RAB1A: variants seen among roughly 807,000 people sequenced by gnomAD.
RAB1A encodes the protein RAB1A, member RAS oncogene family.
RAB1A carries 2 observed loss-of-function variants against 26.0 expected under a neutral mutation model. The ratio of observed to expected loss-of-function variants is 0.08; its 90% CI spans 0.03 to 0.24. The LOEUF (loss-of-function observed/expected upper bound fraction) is 0.24, where lower values mean the gene tolerates loss of function less well. RAB1A is among the 10% of genes least tolerant of loss of function. The pLI, the probability that RAB1A is intolerant of heterozygous loss-of-function variation, is 1.00. For synonymous variants in RAB1A, 84 were observed against 84.9 expected (o/e 0.99, Z 0.06); for missense variants, 100 against 247.0 (o/e 0.40, Z 3.99).
chr2:65,103,301 A>AAAAAAAAAAAAAAAAAAAAAAAAAAC (rs1558580223), intron 2 of RAB1A, among the ~76,000 whole-genome samples: 1 of 149,956 alleles, frequency 6.7e-6, no homozygotes, highest in South Asian at 2.1e-4. Context: ...ATCTGTCTCA[A>AAAAAAAAAAAAAAAAAAAAAAAAAAC]AAAAAAAAAA....
chr2:65,109,709 C>CA (rs112595111), intron 1 of RAB1A, among the ~76,000 whole-genome samples: 24,135 of 124,914 alleles, frequency 0.19, 2,205 homozygotes, highest in African/African-American at 0.28. Flanking sequence ...GACTCCATCT[C>CA]AAAAAAAAAA....
intron 2 of RAB1A, among the ~76,000 whole-genome samples, chr2:65,101,898 C>T (rs984290337): frequency 1.3e-5 from 2 of 151,698 alleles, no homozygotes; most frequent in Non-Finnish European, 2.9e-5. Context: ...TACAGGCATG[C>T]GCCACCACAT....
intron 2 of RAB1A, among the ~76,000 whole-genome samples, chr2:65,098,993 C>T (rs1323063552): frequency 3.3e-5 from 5 of 151,912 alleles, no homozygotes; most frequent in African/African-American, 1.2e-4. Context: ...TGCATCACCA[C>T]GCCTGCCTAA....
At chr2:65,095,919 C>T (rs1461776542) in intron 3 of RAB1A, among the ~76,000 whole-genome samples, 2 of 151,936 alleles carry the variant, frequency 1.3e-5, no homozygotes, top group African/African-American at 2.4e-5. Flanking sequence ...TTTGGGAAGC[C>T]GAGTCAGGCA....
At chr2:65,109,641 C>T (rs1423473779) in intron 1 of RAB1A, among the ~76,000 whole-genome samples, 4 of 149,838 alleles carry the variant, frequency 2.7e-5, no homozygotes, top group Non-Finnish European at 5.9e-5. Flanking sequence ...ACCCAGGAGG[C>T]GGAGGTTGCA....
At chr2:65,120,078 G>A (rs1319276979) in intron 1 of RAB1A, among the ~76,000 whole-genome samples, 1 of 151,788 alleles carries the variant, frequency 6.6e-6, no homozygotes, top group East Asian at 1.9e-4. Flanking sequence ...TGTTTCAAAT[G>A]GCCTTTTATA....
At chr2:65,091,788 G>C (rs1376027598) in intron 3 of RAB1A, among the ~76,000 whole-genome samples, 1 of 152,174 alleles carries the variant, frequency 6.6e-6, no homozygotes, top group East Asian at 1.9e-4. Context: ...TTCTCCCAAA[G>C]TGCTGGCATT....
intron 4 of RAB1A, among the ~76,000 whole-genome samples, chr2:65,089,352 A>G (rs1360461980): frequency 6.6e-6 from 1 of 152,036 alleles, no homozygotes; most frequent in African/African-American, 2.4e-5. Flanking sequence ...AGCTGGGACT[A>G]CAGGCACATG....
chr2:65,087,060 A>G lies in RAB1A; in HGVS notation c.*1433T>C, dbSNP rs1669049580. Reference sequence around the variant, plus strand: ...TTATCATTAAATTAAGGAGCCCACAACAAAATGTGTTGCCAGCAGCCATAT... The same window carrying G: ...TTATCATTAAATTAAGGAGCCCACAGCAAAATGTGTTGCCAGCAGCCATAT... On this transcript the variant is annotated 3_prime_UTR_variant, in exon 6 of 6. Transcript: ENST00000409784. 5.3e-5 allele frequency: 8 copies of G among 152,202 alleles called. No individual in the cohort carries two copies. 9.4% of individuals were successfully genotyped at this position (152,202 alleles called of 1,614,324 possible).
At chr2:65,098,170 GTT>G (rs1324516075) in intron 2 of RAB1A, 104 bp from the exon 3 acceptor site, 2 of 624,948 alleles carry the variant, frequency 3.2e-6, no homozygotes, top group Admixed American at 7.8e-5. Flanking sequence ...TAAAAAAAAA[GTT>G]TACTTTTATC....
At chr2:65,094,928 A>G (rs1669248279) in intron 3 of RAB1A, among the ~76,000 whole-genome samples, 1 of 152,234 alleles carries the variant, frequency 6.6e-6, no homozygotes, top group Non-Finnish European at 1.5e-5. Flanking sequence ...ATCAATCTGA[A>G]GGGCAGGCTT....
chr2:65,106,007 G>A (rs1047252393), intron 1 of RAB1A, among the ~76,000 whole-genome samples: 1 of 152,194 alleles, frequency 6.6e-6, no homozygotes, highest in Non-Finnish European at 1.5e-5. Flanking sequence ...TGATCTGCCC[G>A]CCTCAGCCTC....
chr2:65,092,599 CAAG>C (rs2103824834), intron 3 of RAB1A, among the ~76,000 whole-genome samples: 1 of 152,310 alleles, frequency 6.6e-6, no homozygotes, highest in East Asian at 1.9e-4. Context: ...TAAAAGTCAA[CAAG>C]AAGTTACAGC....
chr2:65,112,676 G>A (rs1669728769), intron 1 of RAB1A, among the ~76,000 whole-genome samples: 1 of 152,130 alleles, frequency 6.6e-6, no homozygotes, highest in African/African-American at 2.4e-5. Flanking sequence ...AGGTAAGAAT[G>A]GCATAGAATA....
At chr2:65,093,917 C>T (rs1399010981) in intron 3 of RAB1A, among the ~76,000 whole-genome samples, 2 of 150,926 alleles carry the variant, frequency 1.3e-5, no homozygotes, top group Admixed American at 6.6e-5. Flanking sequence ...CCACCGTGCC[C>T]GGCCTGTGTT....
intron 3 of RAB1A, among the ~76,000 whole-genome samples, chr2:65,094,404 G>T (rs1669237732): frequency 6.6e-6 from 1 of 152,088 alleles, no homozygotes; most frequent in Non-Finnish European, 1.5e-5. Flanking sequence ...GACCAACATG[G>T]AGAAACCCCA....
At chr2:65,088,880 G>A (rs374706180) in intron 5 of RAB1A, 59 bp downstream of exon 5, 1 of 1,516,526 alleles carries the variant, frequency 6.6e-7, no homozygotes. Flanking sequence ...TGTTACTGCA[G>A]AACCCATACA....
chr2:65,124,188 C>T (rs1573093664), intron 1 of RAB1A, among the ~76,000 whole-genome samples: 1 of 152,226 alleles, frequency 6.6e-6, no homozygotes, highest in African/African-American at 2.4e-5. Context: ...GGTTTCACCA[C>T]ATTGGCCAGG....
At chr2:65,119,529 C>A (rs1176459706) in intron 1 of RAB1A, among the ~76,000 whole-genome samples, 1 of 149,998 alleles carries the variant, frequency 6.7e-6, no homozygotes, top group African/African-American at 2.5e-5. Flanking sequence ...CCACCACACT[C>A]CAGCCTGGGC....
Sources: gnomAD v4.1 joint callset for allele counts (sites outside exome capture counted in the v4.1 genomes callset) on GRCh38, gnomAD v4.1.1 for gene constraint, MANE v1.5 for transcripts, NCBI Gene and HGNC (gene_info 2026-07-23, HGNC 2026-07-21) for gene names.